ITGA9: variants seen among roughly 807,000 people sequenced by gnomAD.
ITGA9 encodes the protein integrin alpha-9.
Under a neutral mutation model 127.8 loss-of-function variants are expected in ITGA9, and 56 were observed. That is an observed-to-expected ratio of 0.44 (90% confidence interval 0.35 to 0.55). The LOEUF (loss-of-function observed/expected upper bound fraction) is 0.55. Among genes scored for constraint, ITGA9 ranks in the 20% least tolerant of loss-of-function variants. The probability of loss-of-function intolerance (pLI) is 0.00; values close to 1 mark genes in which losing one functional copy is unlikely to be tolerated. For missense variants in ITGA9, 1,196 were observed against 1,347.1 expected (o/e 0.89, Z 1.76); for synonymous variants, 508 against 514.5 (o/e 0.99, Z 0.17).
chr3:37,522,737 A>G (rs759807502), intron 11 of ITGA9, among the ~76,000 whole-genome samples: 65 of 151,852 alleles, frequency 4.3e-4, no homozygotes, highest in Non-Finnish European at 7.9e-4. Context: ...AAAAAAAAAA[A>G]AGAGAAAGTT....
At chr3:37,618,966 G>C (rs1700101808) in intron 15 of ITGA9, among the ~76,000 whole-genome samples, 3 of 152,208 alleles carry the variant, frequency 2.0e-5, no homozygotes, top group Admixed American at 6.5e-5. Context: ...TGCACCCACT[G>C]TCCTGCACCC....
intron 3 of ITGA9, among the ~76,000 whole-genome samples, chr3:37,474,564 T>G (rs1320107038): frequency 2.0e-5 from 3 of 152,232 alleles, no homozygotes; most frequent in African/African-American, 2.4e-5. Context: ...TGTACACTTA[T>G]GCATCCCCAT....
At chr3:37,708,905 A>G (rs74995983) in intron 18 of ITGA9, among the ~76,000 whole-genome samples, 4,764 of 152,312 alleles carry the variant, frequency 0.031, 95 homozygotes, top group Non-Finnish European at 0.047. Flanking sequence ...GCTTGTCTAC[A>G]AAGCAGCACA....
chr3:37,681,604 T>C (rs9311163), intron 17 of ITGA9, among the ~76,000 whole-genome samples: 51,171 of 152,060 alleles, frequency 0.34, 9,074 homozygotes, highest in African/African-American at 0.43. Context: ...AAATAACAAC[T>C]GTTCATTATA....
intron 15 of ITGA9, among the ~76,000 whole-genome samples, chr3:37,545,127 G>A (rs1699312859): frequency 6.6e-6 from 1 of 152,198 alleles, no homozygotes; most frequent in Non-Finnish European, 1.5e-5. Context: ...AGCAGGAACT[G>A]GGGCCTGGGG....
chr3:37,473,432 G>A lies in ITGA9; in HGVS notation c.392G>A (p.Arg131Gln), dbSNP rs749762782. 2.6e-5 allele frequency: 42 copies of A among 1,613,872 alleles called. No individual in the cohort carries two copies. The highest frequency in any genetic ancestry group is 1.3e-4 in the East Asian group (6 of 44,864). Residue 131 changes from arginine (R) to glutamine (Q), a missense_variant, in exon 3 of 28, where the codon CGA becomes CAA. Coordinates refer to ENST00000264741, the MANE Select transcript of ITGA9 (RefSeq NM_002207.3). ...GAGTGGATGGGGGTGAGCCTGGCCCGACAGCCCAAGGCTGATGGCCGTGTG... is the reference window on the plus strand; with the variant it reads ...GAGTGGATGGGGGTGAGCCTGGCCCAACAGCCCAAGGCTGATGGCCGTGTG... ...DDEWMGVSLA[R>Q]QPKADGRVLA...
At position 37,812,267 on chromosome 3, in the gene ITGA9, C is replaced by G. The variant is rs74805154; in HGVS notation, c.3010-6624C>G. On this transcript the variant is annotated intron_variant, in intron 27 of 27. Coordinates refer to ENST00000264741, the MANE Select transcript of ITGA9 (RefSeq NM_002207.3). ...GACAGAGACATGCTATGTAAATAGTCAAGTAACTGAAGAGAACTATAAACA... is the reference window on the plus strand; with the variant it reads ...GACAGAGACATGCTATGTAAATAGTGAAGTAACTGAAGAGAACTATAAACA... Among the ~76,000 whole-genome samples, 44 of 152,306 alleles carry G rather than the reference C, an allele frequency of 2.9e-4. No individual in the cohort carries two copies. In the East Asian group the frequency reaches 7.3e-3, roughly 25 times the overall value.
chr3:37,548,870 G>T (rs184659164), intron 15 of ITGA9, among the ~76,000 whole-genome samples: 1 of 152,326 alleles, frequency 6.6e-6, no homozygotes, highest in East Asian at 1.9e-4. Flanking sequence ...GGCTCTCCTG[G>T]TCTGTAGGTA....
intron 26 of ITGA9, among the ~76,000 whole-genome samples, chr3:37,793,635 T>G (rs138256484): frequency 9.9e-5 from 15 of 151,984 alleles, no homozygotes; most frequent in African/African-American, 3.4e-4. Context: ...AAGCAGACCC[T>G]GAGATGAGGG....
At chr3:37,564,341 C>T (rs1299825762) in intron 15 of ITGA9, among the ~76,000 whole-genome samples, 2 of 152,194 alleles carry the variant, frequency 1.3e-5, no homozygotes, top group East Asian at 3.8e-4. Context: ...AGGTCCTTCT[C>T]ATCGATAAGA....
intron 4 of ITGA9, among the ~76,000 whole-genome samples, chr3:37,485,088 A>G (rs1698595635): frequency 6.6e-6 from 1 of 152,150 alleles, no homozygotes; most frequent in Non-Finnish European, 1.5e-5. Context: ...GGGAAAACAG[A>G]GAGGGGACAG....
intron 16 of ITGA9, among the ~76,000 whole-genome samples, chr3:37,639,457 G>C (rs1394053589): frequency 6.6e-6 from 1 of 152,218 alleles, no homozygotes; most frequent in African/African-American, 2.4e-5. Flanking sequence ...AGGTGGAGTA[G>C]GATTTGGGTC....
chr3:37,502,213 C>CTTTTT (rs910743416), intron 5 of ITGA9, among the ~76,000 whole-genome samples: 4 of 111,832 alleles, frequency 3.6e-5, no homozygotes, highest in Middle Eastern at 5.1e-3. Context: ...GTTCTTGAGT[C>CTTTTT]TTTTTTTTTT....
chr3:37,638,444 T>G (rs949363036), intron 16 of ITGA9, among the ~76,000 whole-genome samples: 4 of 133,570 alleles, frequency 3.0e-5, no homozygotes, highest in African/African-American at 9.4e-5. Flanking sequence ...CTTTTCCTGA[T>G]TATGGGGAAA....
chr3:37,751,027 G>T (rs182276313), intron 23 of ITGA9, among the ~76,000 whole-genome samples: 18 of 152,348 alleles, frequency 1.2e-4, no homozygotes, highest in Non-Finnish European at 2.1e-4. Context: ...GGGCAGCAAG[G>T]CCCATATGGA....
intron 22 of ITGA9, 27 bp from the exon 23 acceptor site, chr3:37,750,435 C>CT (rs1409535530): frequency 7.4e-7 from 1 of 1,344,050 alleles, no homozygotes; most frequent in African/African-American, 1.4e-5. Flanking sequence ...TCCACTGAGA[C>CT]TTGCTGTGTG....
chr3:37,630,499 G>A (rs1035011481), intron 16 of ITGA9, among the ~76,000 whole-genome samples: 5 of 152,224 alleles, frequency 3.3e-5, no homozygotes, highest in Non-Finnish European at 5.9e-5. Context: ...CTCACCTTGA[G>A]GCAAGAGGGG....
At chr3:37,453,807 G>C (rs1488103807) in intron 1 of ITGA9, among the ~76,000 whole-genome samples, 1 of 152,136 alleles carries the variant, frequency 6.6e-6, no homozygotes, top group East Asian at 1.9e-4. Context: ...AGGGGACTCT[G>C]AGACCAGCCC....
intron 15 of ITGA9, among the ~76,000 whole-genome samples, chr3:37,554,876 G>A (rs1174037108): frequency 2.0e-5 from 3 of 152,174 alleles, no homozygotes; most frequent in Non-Finnish European, 4.4e-5. Flanking sequence ...AGACACACTG[G>A]TAGATGTTTA....
Sources: gnomAD v4.1 joint callset for allele counts (sites outside exome capture counted in the v4.1 genomes callset) on GRCh38, gnomAD v4.1.1 for gene constraint, MANE v1.5 for transcripts, NCBI Gene and HGNC (gene_info 2026-07-23, HGNC 2026-07-21) for gene names.